The following NCAPG2 variants were observed in gnomAD, a reference collection of about 807,000 sequenced individuals.
NCAPG2 encodes the protein condensin-2 complex subunit G2.
Under a neutral mutation model 141.1 loss-of-function variants are expected in NCAPG2, and 53 were observed. That is an observed-to-expected ratio of 0.38 (90% CI 0.30 to 0.47). NCAPG2 has a LOEUF of 0.47. NCAPG2 is among the 20% of genes least tolerant of loss of function. NCAPG2 has a pLI of 0.99. For synonymous variants in NCAPG2, 499 were observed against 490.7 expected (o/e 1.02, Z -0.22); for missense variants, 1,087 against 1,389.0 (o/e 0.78, Z 3.46).
chr7:158,682,212 TACATAA>T (rs1403738522), intron 9 of NCAPG2, among the ~76,000 whole-genome samples: 2 of 152,170 alleles, frequency 1.3e-5, no homozygotes, highest in African/African-American at 2.4e-5. Flanking sequence ...ACATATAGTT[TACATAA>T]ACATAGTTTA....
At chr7:158,687,316 A>G in intron 7 of NCAPG2, 32 bp downstream of exon 7, 7 of 1,486,688 alleles carry the variant, frequency 4.7e-6, no homozygotes, top group Non-Finnish European at 6.5e-6. Context: ...AGATTAAGAC[A>G]GCACAAAATC....
At chr7:158,637,199 G>A (rs1426992915) in intron 27 of NCAPG2, among the ~76,000 whole-genome samples, 2 of 151,984 alleles carry the variant, frequency 1.3e-5, no homozygotes, top group African/African-American at 2.4e-5. Flanking sequence ...CACCTGCCTT[G>A]GCCTCCCAAA....
chr7:158,666,609 G>A (rs1832958945), intron 13 of NCAPG2, among the ~76,000 whole-genome samples: 1 of 151,308 alleles, frequency 6.6e-6, no homozygotes. Context: ...AGCTGCACGG[G>A]CCACACACTG....
At chr7:158,659,752 G>A (rs1378082885) in intron 16 of NCAPG2, among the ~76,000 whole-genome samples, 2 of 152,110 alleles carry the variant, frequency 1.3e-5, no homozygotes, top group Non-Finnish European at 2.9e-5. Flanking sequence ...ATCAAAATTT[G>A]ATTAGGAATT....
chr7:158,687,539 T>A (rs1834847735), intron 6 of NCAPG2, 97 bp from the exon 7 acceptor site: 1 of 869,264 alleles, frequency 1.2e-6, no homozygotes, highest in Admixed American at 2.7e-5. Context: ...TAAACATTGC[T>A]ATTGCTAAAA....
At chr7:158,648,234 T>C (rs909945511) in intron 24 of NCAPG2, among the ~76,000 whole-genome samples, 6 of 151,756 alleles carry the variant, frequency 4.0e-5, no homozygotes, top group Admixed American at 2.6e-4. Flanking sequence ...TACCATGCAA[T>C]GGACAAGCAT....
At chr7:158,684,211 T>G (rs1389476455) in intron 8 of NCAPG2, among the ~76,000 whole-genome samples, 1 of 152,236 alleles carries the variant, frequency 6.6e-6, no homozygotes, top group Non-Finnish European at 1.5e-5. Flanking sequence ...AAAGATGAGA[T>G]ACACAGCACT....
chr7:158,663,691 AC>A (rs1288289033), intron 15 of NCAPG2, among the ~76,000 whole-genome samples: 1 of 152,208 alleles, frequency 6.6e-6, no homozygotes, highest in Non-Finnish European at 1.5e-5. Context: ...TTGCAAAATG[AC>A]CCCAAAATCT....
chr7:158,639,561 T>C (rs1587056421), intron 27 of NCAPG2, among the ~76,000 whole-genome samples: 1 of 152,252 alleles, frequency 6.6e-6, no homozygotes, highest in East Asian at 1.9e-4. Context: ...TCTAGACCAA[T>C]GCAAGAAATT....
intron 27 of NCAPG2, among the ~76,000 whole-genome samples, chr7:158,637,942 A>G (rs931818341): frequency 7.2e-5 from 11 of 152,098 alleles, no homozygotes; most frequent in African/African-American, 2.7e-4. Flanking sequence ...CCAGGAGTTC[A>G]AGACCAGCCT....
chr7:158,675,752 AG>A, intron 11 of NCAPG2, 96 bp from the exon 12 acceptor site: 1 of 1,292,486 alleles, frequency 7.7e-7, no homozygotes, highest in East Asian at 2.5e-5. Flanking sequence ...TTCGTAACTT[AG>A]AGAAACTTTG....
At chr7:158,645,305 C>T (rs1327117393) in intron 26 of NCAPG2, among the ~76,000 whole-genome samples, 3 of 152,156 alleles carry the variant, frequency 2.0e-5, no homozygotes, top group African/African-American at 7.2e-5. Context: ...AGTGAGCAAG[C>T]TGATATAAAA....
intron 15 of NCAPG2, 96 bp from the exon 16 acceptor site, chr7:158,662,463 A>G (rs758517333): frequency 1.4e-5 from 15 of 1,106,540 alleles, no homozygotes; most frequent in Admixed American, 3.0e-5. Context: ...GCAAAAATGT[A>G]GAGAACATCC....
At position 158,652,463 on chromosome 7, in the gene NCAPG2, C is replaced by A. The variant is rs769201953; in HGVS notation, c.2764G>T (p.Val922Phe). ...TTCAGAATGTCAAGAAGTAATGAAACATAAAAAAATCCCTTCACTAGAAAG... is the reference window on the plus strand; with the variant it reads ...TTCAGAATGTCAAGAAGTAATGAAAAATAAAAAAATCCCTTCACTAGAAAG... ...IMQTVKGFFY[V>F]SLLLDILKEI... The change falls in exon 23 of 28, where the codon GTT becomes TTT. Residue 922 changes from valine (V) to phenylalanine (F), a missense_variant. By Grantham distance (50) the Val-to-Phe change is conservative (BLOSUM62 -1). Transcript: ENST00000356309. 3 of 1,596,392 alleles carry A rather than the reference C, an allele frequency of 1.9e-6. No individual in the cohort carries two copies. Among genetic ancestry groups the A allele is most frequent in the Admixed American group, 1.8e-5 (1 of 54,434 alleles).
In NCAPG2 at chr7:158,698,959, A is replaced by G. The variant is rs930104420; in HGVS notation, c.78+2863T>C. Among the ~76,000 whole-genome samples, 11 of 151,780 alleles carry G rather than the reference A, an allele frequency of 7.2e-5. 1 individual carries two copies. The highest frequency in any genetic ancestry group is 7.2e-4 in the Admixed American group (11 of 15,218). On this transcript the variant is annotated intron_variant, in intron 2 of 27. Coordinates refer to ENST00000356309, the MANE Select transcript of NCAPG2 (RefSeq NM_017760.7). ...AGCCACTACACTAGGCCAATTTTTT[A>G]ACATTACTGTAGAGACGGGGTCTTA... is the stretch of plus-strand genomic sequence containing the variant.
intron 24 of NCAPG2, among the ~76,000 whole-genome samples, chr7:158,648,945 CGGCAAATGGACTATAACCAT>C (rs1831276359): frequency 6.6e-6 from 1 of 151,644 alleles, no homozygotes; most frequent in South Asian, 2.1e-4. Context: ...ACTATAACCA[CGGCAAATGGACTATAACCAT>C]GGCAAATGGA....
chr7:158,696,259 G>A (rs1835437847), intron 2 of NCAPG2: 1 of 152,152 alleles, frequency 6.6e-6, no homozygotes, highest in African/African-American at 2.4e-5. Flanking sequence ...CCAGCAGAGG[G>A]TGATCCTGCA....
intron 13 of NCAPG2, chr7:158,667,263 T>C (rs1833047011): frequency 1.0e-6 from 1 of 978,610 alleles, no homozygotes; most frequent in Non-Finnish European, 1.2e-6. Flanking sequence ...AGAGACCCTG[T>C]GTCCCTCCGC....
At chr7:158,686,388 T>C (rs1162829886) in intron 7 of NCAPG2, 147 bp from the exon 8 acceptor site, 3 of 491,960 alleles carry the variant, frequency 6.1e-6, no homozygotes, top group Non-Finnish European at 1.1e-5. Context: ...ATAGGTTATC[T>C]ACCTGTAGCA....
Sources: allele counts gnomAD v4.1 joint callset (sites outside exome capture counted in the v4.1 genomes callset), GRCh38; gene constraint gnomAD v4.1.1; transcripts MANE v1.5; gene names NCBI Gene and HGNC (gene_info 2026-07-23, HGNC 2026-07-21).